TGFBR3: variants seen among roughly 807,000 people sequenced by gnomAD.
TGFBR3 encodes transforming growth factor beta receptor type 3.
A neutral mutation model predicts 87.9 loss-of-function variants in TGFBR3; 46 were observed. The ratio of observed to expected loss-of-function variants is 0.52; its 90% CI spans 0.41 to 0.67. The LOEUF is 0.67. Ranked by LOEUF, TGFBR3 falls within the 30% of genes least tolerant of loss-of-function variation. TGFBR3 has a pLI of 0.00. For missense variants in TGFBR3, 866 were observed against 1,041.9 expected, an observed-to-expected ratio of 0.83 and a Z score of 2.32; for synonymous variants, 381 against 391.6, an observed-to-expected ratio of 0.97 and a Z score of 0.32.
At chr1:91,875,542 G>A (rs1167452739) in intron 1 of TGFBR3, among the ~76,000 whole-genome samples, 1 of 151,682 alleles carries the variant, frequency 6.6e-6, no homozygotes, top group East Asian at 1.9e-4. Context: ...AGGAGAGGAG[G>A]AAAGGAAAAT....
At chr1:91,879,904 G>T (rs954566666) in intron 1 of TGFBR3, among the ~76,000 whole-genome samples, 1 of 145,482 alleles carries the variant, frequency 6.9e-6, no homozygotes, top group African/African-American at 2.4e-5. Context: ...GATCCTTCTT[G>T]TAAGGCCCTT....
In TGFBR3 at chr1:91,810,578, C is replaced by T. The variant is rs575315354; in HGVS notation, c.62-13107G>A. On this transcript the variant is annotated intron_variant, in intron 2 of 16. Coordinates refer to ENST00000212355, the MANE Select transcript of TGFBR3 (RefSeq NM_003243.5). ...AGTGCTTGACACAGTGCCTGGCATG[C>T]GGCACGTGTTCATAAACATTTGTTG... 3.8e-4 allele frequency among the ~76,000 whole-genome samples: 58 copies of T among 152,300 alleles called. 1 individual carries two copies. In the South Asian group the frequency reaches 0.011, roughly 29 times the overall value.
chr1:91,718,842 T>C (rs1672264531), intron 10 of TGFBR3, among the ~76,000 whole-genome samples: 1 of 152,172 alleles, frequency 6.6e-6, no homozygotes, highest in African/African-American at 2.4e-5. Flanking sequence ...TTTTTGAGTT[T>C]TAAATTCTCT....
intron 3 of TGFBR3, among the ~76,000 whole-genome samples, chr1:91,766,773 A>C (rs1047964828): frequency 1.5e-5 from 2 of 133,780 alleles, no homozygotes; most frequent in Non-Finnish European, 3.3e-5. Context: ...TGATGTTAGA[A>C]TCCTAAGGGT....
intron 2 of TGFBR3, among the ~76,000 whole-genome samples, chr1:91,816,280 T>C (rs1676219482): frequency 6.6e-6 from 1 of 152,198 alleles, no homozygotes; most frequent in Non-Finnish European, 1.5e-5. Context: ...TGAATTCCTA[T>C]CAGAAACTAC....
At chr1:91,872,643 C>T (rs1678626260) in intron 1 of TGFBR3, among the ~76,000 whole-genome samples, 1 of 152,172 alleles carries the variant, frequency 6.6e-6, no homozygotes, top group South Asian at 2.1e-4. Flanking sequence ...GGCAAGATGT[C>T]AGGGCTGCAA....
chr1:91,740,751 G>A (rs1421624252), intron 4 of TGFBR3, among the ~76,000 whole-genome samples: 2 of 152,118 alleles, frequency 1.3e-5, no homozygotes, highest in Admixed American at 6.5e-5. Flanking sequence ...ATATTTCCAG[G>A]TCATTCCTCT....
Position 91,734,972 on chromosome 1 carries a change from G to T in TGFBR3, c.385-13C>A, listed in dbSNP as rs1472727421. ...AACCCTCAGACACCTAGAGGAAAGAGAATTGCGTATTTAACATGGTGCAGT... is the reference window on the plus strand; with the variant it reads ...AACCCTCAGACACCTAGAGGAAAGATAATTGCGTATTTAACATGGTGCAGT... On this transcript the variant is annotated splice_polypyrimidine_tract_variant and intron_variant, in intron 4 of 16. Coordinates refer to ENST00000212355, the MANE Select transcript of TGFBR3 (RefSeq NM_003243.5). 1.9e-6 allele frequency: 3 copies of T among 1,613,854 alleles called. No homozygotes were observed. The Admixed American group carries it at 5.0e-5, about 27-fold the overall frequency.
rs529229475 is a variant in TGFBR3 at position 91,709,710 on chromosome 1, T to C, written c.2167-927A>G. 2.0e-5 allele frequency among the ~76,000 whole-genome samples: 3 copies of C among 152,344 alleles called. No individual in the cohort carries two copies. The East Asian group carries it at 5.8e-4, about 29-fold the overall frequency. ...GAAAAAATATGATCACACTCCGCAC[T>C]TTTTCTTTAAAATAACTTTGTTTTC... On this transcript the variant is annotated intron_variant, in intron 13 of 16. Transcript: ENST00000212355.
intron 14 of TGFBR3, among the ~76,000 whole-genome samples, chr1:91,705,039 T>C (rs1274324670): frequency 6.6e-6 from 1 of 152,202 alleles, no homozygotes; most frequent in African/African-American, 2.4e-5. Flanking sequence ...AGTTTTGGCA[T>C]GGCCTTCAAA....
chr1:91,808,272 T>C (rs188218039), intron 2 of TGFBR3, among the ~76,000 whole-genome samples: 7 of 152,068 alleles, frequency 4.6e-5, no homozygotes. Context: ...TTTAAAAAAA[T>C]TTTTTTAATT....
intron 1 of TGFBR3, among the ~76,000 whole-genome samples, chr1:91,883,373 T>G (rs1170540705): frequency 6.6e-6 from 1 of 152,214 alleles, no homozygotes; most frequent in Non-Finnish European, 1.5e-5. Flanking sequence ...CCAGCCACCA[T>G]GGAGTTCTTG....
At chr1:91,684,745 CA>C (rs35678731) in intron 16 of TGFBR3, among the ~76,000 whole-genome samples, 1 of 152,176 alleles carries the variant, frequency 6.6e-6, no homozygotes, top group African/African-American at 2.4e-5. Flanking sequence ...GTGCAACCCT[CA>C]AAAAATGGCT....
In TGFBR3 at chr1:91,901,062, C is replaced by T. The variant is rs142709888; in HGVS notation, c.-174-1365G>A. On this transcript the variant is annotated intron_variant, in intron 1 of 17. Coordinates refer to the TGFBR3 transcript ENST00000370399. ...AATTCTATTTTAAATTTTTTAAGAG[C>T]TCTGTATGCCATTTTCCATAGCAGC... Among the ~76,000 whole-genome samples the T allele has an allele frequency of 3.4e-4, 52 of 152,280 alleles. 1 individual carries two copies. The South Asian group carries it at 5.4e-3, about 16-fold the overall frequency.
chr1:91,711,924 C>T (rs919641058), intron 13 of TGFBR3, among the ~76,000 whole-genome samples: 3 of 152,184 alleles, frequency 2.0e-5, no homozygotes, highest in South Asian at 4.1e-4. Context: ...CTTGTCCTTT[C>T]GGCTTGCTGT....
chr1:91,794,545 C>G (rs762857211), intron 3 of TGFBR3, among the ~76,000 whole-genome samples: 1 of 152,120 alleles, frequency 6.6e-6, no homozygotes, highest in Non-Finnish European at 1.5e-5. Context: ...CAGTCAACCT[C>G]CATTTCCTTC....
At chr1:91,751,247 C>A (rs1673529996) in intron 4 of TGFBR3, among the ~76,000 whole-genome samples, 1 of 152,136 alleles carries the variant, frequency 6.6e-6, no homozygotes, top group South Asian at 2.1e-4. Context: ...AAATGTAACA[C>A]AATAGAATAC....
intron 14 of TGFBR3, 125 bp downstream of exon 14, chr1:91,708,538 T>A: frequency 6.6e-7 from 1 of 1,509,514 alleles, no homozygotes; most frequent in African/African-American, 1.4e-5. Flanking sequence ...AAAATGGTCT[T>A]CTAAAGTAAC....
chr1:91,868,816 T>G (rs1678478832), intron 1 of TGFBR3, among the ~76,000 whole-genome samples: 1 of 152,288 alleles, frequency 6.6e-6, no homozygotes, highest in South Asian at 2.1e-4. Context: ...AAACGCTGTC[T>G]CTACAAAAAA....
Sources: gnomAD v4.1 joint callset for allele counts (sites outside exome capture counted in the v4.1 genomes callset) on GRCh38, gnomAD v4.1.1 for gene constraint, MANE v1.5 for transcripts, NCBI Gene and HGNC (gene_info 2026-07-23, HGNC 2026-07-21) for gene names.